Variants in DENND5B observed in about 807,000 individuals in gnomAD.
DENND5B encodes the protein DENN domain containing 5B, also known as DENN domain-containing protein 5B.
DENND5B carries 34 observed loss-of-function variants against 140.6 expected under a neutral mutation model. That is an observed-to-expected ratio of 0.24 (90% CI 0.18 to 0.32). DENND5B has a LOEUF of 0.32. Ranked by LOEUF, DENND5B falls within the 10% of genes least tolerant of loss-of-function variation. The pLI is 1.00. For synonymous variants in DENND5B, 551 were observed against 562.1 expected, an observed-to-expected ratio of 0.98 and a Z score of 0.28; for missense variants, 1,142 against 1,560.2, an observed-to-expected ratio of 0.73 and a Z score of 4.52.
chr12:31,525,024 A>G (rs954747218), intron 1 of DENND5B, among the ~76,000 whole-genome samples: 1 of 152,216 alleles, frequency 6.6e-6, no homozygotes, highest in Non-Finnish European at 1.5e-5. Flanking sequence ...TCGAAACCAC[A>G]ATGAGATACC....
At chr12:31,405,511 CATGT>C (rs55808642) in intron 14 of DENND5B, among the ~76,000 whole-genome samples, 15,585 of 144,602 alleles carry the variant, frequency 0.11, 883 homozygotes, top group Middle Eastern at 0.16. Flanking sequence ...AGCCACCTGC[CATGT>C]ATGTATGTAT....
rs1316078338 is a variant in DENND5B at position 31,425,769 on chromosome 12, T to C, written c.2238+524A>G. On this transcript the variant is annotated intron_variant, in intron 9 of 20. Coordinates refer to ENST00000389082, the MANE Select transcript of DENND5B (RefSeq NM_144973.4). Reference sequence around the variant, plus strand: ...ACTCAAGAAATGACTGTCAAATAAATAAATAAAATCATTAGCTAAAATGAT... The same window carrying C: ...ACTCAAGAAATGACTGTCAAATAAACAAATAAAATCATTAGCTAAAATGAT... Among the ~76,000 whole-genome samples the C allele has an allele frequency of 3.3e-5, 5 of 152,148 alleles. No homozygotes were observed. In the East Asian group the frequency reaches 5.8e-4, roughly 18 times the overall value.
At chr12:31,450,670 G>A (rs777475327) in intron 5 of DENND5B, among the ~76,000 whole-genome samples, 2 of 151,978 alleles carry the variant, frequency 1.3e-5, no homozygotes, top group Admixed American at 6.6e-5. Flanking sequence ...GTACCTTTAC[G>A]AAAATTTTTC....
Position 31,387,520 on chromosome 12 carries a change from C to CT in DENND5B, c.*82dup. The CT allele has an allele frequency of 2.1e-6, 3 of 1,459,660 alleles. No homozygotes were observed. The highest frequency in any genetic ancestry group is 2.8e-6 in the Non-Finnish European group (3 of 1,069,652). 90.4% of individuals were successfully genotyped at this position (1,459,660 alleles called of 1,614,324 possible). ...ATATGTTTGGCTGCCCCTGCAGTGA[C>CT]TCACTACTGTCAGACAAGTCCAAAT... On this transcript the variant is annotated 3_prime_UTR_variant, in exon 21 of 21. Transcript: ENST00000389082.
At position 31,458,947 on chromosome 12, in the gene DENND5B, T is replaced by A. The variant is rs190813519; in HGVS notation, c.1092+1247A>T. On this transcript the variant is annotated intron_variant, in intron 4 of 20. Coordinates refer to ENST00000389082, the MANE Select transcript of DENND5B (RefSeq NM_144973.4). The stretch of plus-strand genomic sequence containing the variant: ...TAACAATTAGGCCAGGCACGGTGGC[T>A]CATGCCTGTAATCCCAGCATTTTGG... Among the ~76,000 whole-genome samples, 374 of 152,274 alleles carry A rather than the reference T, an allele frequency of 2.5e-3. 2 individuals are homozygous for A. Among genetic ancestry groups the A allele is most frequent in the Non-Finnish European group, 4.1e-3 (281 of 68,016 alleles).
Position 31,566,291 on chromosome 12 carries a change from AC to A in DENND5B, c.127+24414del, listed in dbSNP as rs561104245. ...GCTGTAATCACATCTGTGAATAGCT[AC>A]TGCATTCCGGCCAGGGAAACATAGT... On this transcript the variant is annotated intron_variant, in intron 1 of 20. Coordinates refer to ENST00000389082, the MANE Select transcript of DENND5B (RefSeq NM_144973.4). Among the ~76,000 whole-genome samples, 630 of 152,056 alleles carry A rather than the reference AC, an allele frequency of 4.1e-3. 5 individuals carry two copies. The highest frequency in any genetic ancestry group is 0.014 in the African/African-American group (575 of 41,466).
chr12:31,414,510 T>C (rs996867046), intron 12 of DENND5B, among the ~76,000 whole-genome samples: 4 of 152,114 alleles, frequency 2.6e-5, no homozygotes, highest in African/African-American at 4.8e-5. Flanking sequence ...TTTTAAAAAC[T>C]GAACAAAAGA....
intron 1 of DENND5B, among the ~76,000 whole-genome samples, chr12:31,497,105 GAAA>G (rs533616135): frequency 7.1e-6 from 1 of 141,526 alleles, no homozygotes; most frequent in Non-Finnish European, 1.5e-5. Flanking sequence ...GTAAAAATAT[GAAA>G]AAAAAAAACC....
At chr12:31,433,060 G>T (rs1211958154) in intron 8 of DENND5B, 95 bp downstream of exon 8, 8 of 1,021,750 alleles carry the variant, frequency 7.8e-6, no homozygotes, top group African/African-American at 1.6e-5. Flanking sequence ...TTTTTTTAAA[G>T]AACATTAAGA....
At chr12:31,392,243 G>A (rs890071972) in intron 19 of DENND5B, 24 bp downstream of exon 19, 2 of 1,612,242 alleles carry the variant, frequency 1.2e-6, no homozygotes, top group Non-Finnish European at 1.7e-6. Context: ...TGACCTTAAT[G>A]TAATACACAT....
At chr12:31,417,446 T>C (rs1942809887) in intron 11 of DENND5B, among the ~76,000 whole-genome samples, 1 of 151,692 alleles carries the variant, frequency 6.6e-6, no homozygotes. Context: ...CAAACTACAG[T>C]AATTACAGCA....
intron 19 of DENND5B, among the ~76,000 whole-genome samples, chr12:31,391,714 T>C (rs1200461322): frequency 1.3e-5 from 2 of 152,152 alleles, no homozygotes; most frequent in Non-Finnish European, 2.9e-5. Context: ...GTGCAGTAGC[T>C]TGATCATGGC....
chr12:31,398,495 T>G, intron 16 of DENND5B, 133 bp from the exon 17 acceptor site: 1 of 766,530 alleles, frequency 1.3e-6, no homozygotes, highest in East Asian at 2.8e-5. Context: ...TATAGAGAGG[T>G]CTCATTACAT....
At chr12:31,435,371 CTG>C (rs1943698182) in intron 7 of DENND5B, among the ~76,000 whole-genome samples, 1 of 152,178 alleles carries the variant, frequency 6.6e-6, no homozygotes, top group Non-Finnish European at 1.5e-5. Flanking sequence ...AGGCTCAAAA[CTG>C]TGTCTTCCAC....
chr12:31,480,319 ATGT>A (rs978384510), intron 2 of DENND5B, 64 bp from the exon 3 acceptor site: 3 of 1,353,512 alleles, frequency 2.2e-6, no homozygotes, highest in Middle Eastern at 1.9e-4. Context: ...CCAGAAATAA[ATGT>A]TGTTTTTTTA....
chr12:31,567,501 T>C (rs1225016739), intron 1 of DENND5B, among the ~76,000 whole-genome samples: 20 of 124,892 alleles, frequency 1.6e-4, no homozygotes, highest in Admixed American at 6.2e-4. Context: ...CACTCCAGCC[T>C]GGGCAACAGA....
chr12:31,504,965 A>G (rs962418664), intron 1 of DENND5B, among the ~76,000 whole-genome samples: 1 of 152,160 alleles, frequency 6.6e-6, no homozygotes, highest in African/African-American at 2.4e-5. Context: ...TATCTTTGTG[A>G]AGTAGAGTGC....
intron 1 of DENND5B, among the ~76,000 whole-genome samples, chr12:31,576,731 G>GT (rs201747049): frequency 0.021 from 3,169 of 151,388 alleles, 57 homozygotes; most frequent in South Asian, 0.052. Context: ...AAAAAAAAAT[G>GT]TTTTTTTTAA....
chr12:31,412,374 T>C (rs1012484457), intron 13 of DENND5B, among the ~76,000 whole-genome samples: 3 of 152,208 alleles, frequency 2.0e-5, no homozygotes, highest in Non-Finnish European at 4.4e-5. Flanking sequence ...GGGACCTGTT[T>C]CATGGAAGAT....
Sources: gnomAD v4.1 joint callset for allele counts (sites outside exome capture counted in the v4.1 genomes callset) on GRCh38, gnomAD v4.1.1 for gene constraint, MANE v1.5 for transcripts, NCBI Gene and HGNC (gene_info 2026-07-23, HGNC 2026-07-21) for gene names.